Variants in TUSC3 observed in about 807,000 individuals in gnomAD.
TUSC3 encodes dolichyl-diphosphooligosaccharide--protein glycosyltransferase subunit TUSC3.
A neutral mutation model predicts 44.8 loss-of-function variants in TUSC3; 45 were observed. The ratio of observed to expected loss-of-function variants is 1.00; its 90% CI spans 0.79 to 1.29. The LOEUF is 1.29. Ranked by LOEUF, TUSC3 falls within the 50% of genes most tolerant of loss-of-function variation. TUSC3 has a pLI of 0.00. For synonymous variants in TUSC3, 212 were observed against 152.9 expected, an observed-to-expected ratio of 1.39 and a Z score of -2.85; for missense variants, 519 against 437.9, an observed-to-expected ratio of 1.19 and a Z score of -1.65.
chr8:15,799,866 C>G, the TUSC3 span, among the ~76,000 whole-genome samples: 1 of 152,140 alleles, frequency 6.6e-6, no homozygotes, highest in Non-Finnish European at 1.5e-5. Flanking sequence ...AAAGACAATT[C>G]ATCAAACAAC....
intron 6 of TUSC3, among the ~76,000 whole-genome samples, chr8:15,715,771 A>C (rs1563187100): frequency 6.6e-6 from 1 of 152,150 alleles, no homozygotes; most frequent in Non-Finnish European, 1.5e-5. Context: ...TCCAGATCAT[A>C]AATGCAAAAC....
intron 1 of TUSC3, among the ~76,000 whole-genome samples, chr8:15,545,482 C>T (rs750304855): frequency 1.2e-4 from 18 of 151,806 alleles, no homozygotes; most frequent in Non-Finnish European, 1.8e-4. Context: ...GGGACTCTGT[C>T]TTCTTTGACT....
chr8:15,785,370 T>C, the TUSC3 span, among the ~76,000 whole-genome samples: 1 of 152,160 alleles, frequency 6.6e-6, no homozygotes, highest in Admixed American at 6.5e-5. Flanking sequence ...TTCCTTTGCT[T>C]TTAGGTCTTA....
At position 15,505,522 on chromosome 8, in the gene TUSC3, G is replaced by A. The variant is rs1801040065; in HGVS notation, n.189+22039G>A. 2.0e-5 allele frequency among the ~76,000 whole-genome samples: 3 copies of A among 152,060 alleles called. No individual in the cohort carries two copies. The South Asian group carries it at 6.2e-4, about 31-fold the overall frequency. On this transcript the variant is annotated intron_variant and non_coding_transcript_variant, in intron 2 of 5. Coordinates refer to the TUSC3 transcript ENST00000503191. ...CTGTACGTTTTTTATTGTGTTTTCT[G>A]TTGCCATACTAGTTGAATCTTCCGA...
At chr8:15,592,291 A>G (rs1803876278) in intron 1 of TUSC3, among the ~76,000 whole-genome samples, 1 of 152,232 alleles carries the variant, frequency 6.6e-6, no homozygotes, top group African/African-American at 2.4e-5. Context: ...GCATACTATA[A>G]TAGCAGTAAC....
At chr8:15,589,246 C>A (rs1331987126) in intron 1 of TUSC3, among the ~76,000 whole-genome samples, 1 of 152,070 alleles carries the variant, frequency 6.6e-6, no homozygotes, top group African/African-American at 2.4e-5. Context: ...ACGTCCAGAT[C>A]TTGTGTTTTT....
chr8:15,618,605 G>A (rs73524594), intron 1 of TUSC3, among the ~76,000 whole-genome samples: 3,743 of 152,220 alleles, frequency 0.025, 54 homozygotes, highest in East Asian at 0.049. Context: ...TGGACACCTC[G>A]TAAAGGACCT....
intron 6 of TUSC3, among the ~76,000 whole-genome samples, chr8:15,684,941 G>A (rs1808569042): frequency 6.6e-6 from 1 of 152,176 alleles, no homozygotes; most frequent in Non-Finnish European, 1.5e-5. Context: ...GGCAGGCTTA[G>A]GAGGGGCCAC....
At chr8:15,832,042 G>C in the TUSC3 span, among the ~76,000 whole-genome samples, 2 of 152,156 alleles carry the variant, frequency 1.3e-5, no homozygotes, top group African/African-American at 2.4e-5. Context: ...GGGAGCTAGA[G>C]AGAAAGGTCA....
chr8:15,534,409 C>T (rs1432137111), intron 2 of TUSC3, among the ~76,000 whole-genome samples: 4 of 151,906 alleles, frequency 2.6e-5, no homozygotes, highest in Non-Finnish European at 5.9e-5. Flanking sequence ...TTTGGGAGGC[C>T]GAGGCGGGCA....
In TUSC3 at chr8:15,521,726, G is replaced by C. The variant is rs1188892091; in HGVS notation, n.189+38243G>C. Among the ~76,000 whole-genome samples the C allele has an allele frequency of 2.6e-5, 4 of 152,280 alleles. No individual in the cohort carries two copies. In the East Asian group the frequency reaches 5.8e-4, roughly 22 times the overall value. On this transcript the variant is annotated intron_variant and non_coding_transcript_variant, in intron 2 of 5. Transcript: ENST00000503191. The stretch of plus-strand genomic sequence containing the variant: ...CCACTGGTTACACAAGCTTTCATTA[G>C]GCCTTCTGAGGCACTTTATGAAATG...
intron 8 of TUSC3, 22 bp from the exon 9 acceptor site, chr8:15,748,353 G>T (rs377451674): frequency 1.3e-6 from 2 of 1,556,890 alleles, no homozygotes; most frequent in South Asian, 2.2e-5. Context: ...AGACACTAAT[G>T]GTATTTTCTG....
Position 15,554,965 on chromosome 8 carries a change from A to G in TUSC3, c.138+14397A>G, listed in dbSNP as rs1389553739. Among the ~76,000 whole-genome samples, 3 of 151,436 alleles carry G rather than the reference A, an allele frequency of 2.0e-5. 1 individual carries two copies. The highest frequency in any genetic ancestry group is 4.4e-5 in the Non-Finnish European group (3 of 67,854). On this transcript the variant is annotated intron_variant, in intron 1 of 10. Transcript: ENST00000503731. ...AATAGGTAAATTGACTCAGAAAGCAATGAAGCGCTGCTAAATCGTGTGAAG... is the reference window on the plus strand; with the variant it reads ...AATAGGTAAATTGACTCAGAAAGCAGTGAAGCGCTGCTAAATCGTGTGAAG...
At chr8:15,687,948 A>G (rs1202983220) in intron 6 of TUSC3, among the ~76,000 whole-genome samples, 2 of 152,184 alleles carry the variant, frequency 1.3e-5, no homozygotes, top group Non-Finnish European at 2.9e-5. Context: ...AATATGTCAA[A>G]CTTCATCTAA....
chr8:15,601,750 A>G (rs534508132), intron 1 of TUSC3, among the ~76,000 whole-genome samples: 18 of 151,770 alleles, frequency 1.2e-4, no homozygotes, highest in East Asian at 3.9e-4. Flanking sequence ...TATAGTAACA[A>G]TGGTTCTAAT....
intron 2 of TUSC3, among the ~76,000 whole-genome samples, chr8:15,503,465 C>T (rs557354551): frequency 6.6e-6 from 1 of 152,004 alleles, no homozygotes; most frequent in Non-Finnish European, 1.5e-5. Flanking sequence ...GCCCTATGAT[C>T]TGAAATTTCT....
the TUSC3 span, among the ~76,000 whole-genome samples, chr8:15,788,242 A>C: frequency 6.6e-6 from 1 of 151,082 alleles, no homozygotes; most frequent in African/African-American, 2.4e-5. Context: ...GCATTCTTCC[A>C]TTCTTGTGGG....
At chr8:15,830,773 G>A in the TUSC3 span, among the ~76,000 whole-genome samples, 4 of 152,170 alleles carry the variant, frequency 2.6e-5, no homozygotes, top group African/African-American at 9.7e-5. Flanking sequence ...GAAGGTGGAA[G>A]GGGGATCAGG....
chr8:15,532,069 G>A lies in TUSC3; in HGVS notation n.189+48586G>A, dbSNP rs150159161. Among the ~76,000 whole-genome samples, 603 of 152,182 alleles carry A rather than the reference G, an allele frequency of 4.0e-3. 6 individuals are homozygous for A. The highest frequency in any genetic ancestry group is 0.014 in the African/African-American group (583 of 41,532). ...GTCAGTGACTTACTCTTTTTTGTGT[G>A]TATATATGTCAAATGCACCTAAGTT... On this transcript the variant is annotated intron_variant and non_coding_transcript_variant, in intron 2 of 5. Transcript: ENST00000503191.
Sources: allele counts gnomAD v4.1 joint callset (sites outside exome capture counted in the v4.1 genomes callset), GRCh38; gene constraint gnomAD v4.1.1; transcripts MANE v1.5; gene names NCBI Gene and HGNC (gene_info 2026-07-23, HGNC 2026-07-21).